The following TUSC3 variants were observed in gnomAD, a reference collection of about 807,000 sequenced individuals.
TUSC3 encodes tumor suppressor candidate 3, also known as dolichyl-diphosphooligosaccharide--protein glycosyltransferase subunit TUSC3.
Under a neutral mutation model 44.8 loss-of-function variants are expected in TUSC3, and 45 were observed. That is an observed-to-expected ratio of 1.00 (90% confidence interval 0.79 to 1.29). The LOEUF (loss-of-function observed/expected upper bound fraction) is 1.29. TUSC3 is among the 50% of genes most tolerant of loss of function. The pLI is 0.00. For missense variants in TUSC3, 519 were observed against 437.9 expected, an observed-to-expected ratio of 1.19 and a Z score of -1.65; for synonymous variants, 212 against 152.9, an observed-to-expected ratio of 1.39 and a Z score of -2.85.
At chr8:15,533,760 C>T (rs1435861697) in intron 2 of TUSC3, among the ~76,000 whole-genome samples, 1 of 152,130 alleles carries the variant, frequency 6.6e-6, no homozygotes, top group African/African-American at 2.4e-5. Flanking sequence ...CGAGAGAAGG[C>T]TCTGAATGTT....
At chr8:15,740,955 T>C (rs1563199823) in intron 7 of TUSC3, among the ~76,000 whole-genome samples, 1 of 152,204 alleles carries the variant, frequency 6.6e-6, no homozygotes, top group African/African-American at 2.4e-5. Flanking sequence ...ACCACATTGT[T>C]TGAATTTAAG....
intron 2 of TUSC3, among the ~76,000 whole-genome samples, chr8:15,534,196 T>C (rs1236880692): frequency 6.6e-6 from 1 of 152,088 alleles, no homozygotes; most frequent in Non-Finnish European, 1.5e-5. Flanking sequence ...TGAGATAAAA[T>C]GAAAAGATCT....
intron 2 of TUSC3, among the ~76,000 whole-genome samples, chr8:15,529,357 G>T (rs1196892338): frequency 6.6e-6 from 1 of 152,054 alleles, no homozygotes; most frequent in Non-Finnish European, 1.5e-5. Flanking sequence ...TAAATTATAT[G>T]AAAAAAGGGC....
intron 5 of TUSC3, among the ~76,000 whole-genome samples, chr8:15,666,893 A>G (rs1406662911): frequency 6.6e-6 from 1 of 151,518 alleles, no homozygotes; most frequent in Admixed American, 6.6e-5. Flanking sequence ...AAATAAAATG[A>G]ATTCGTATAT....
chr8:15,611,349 C>G (rs901168274), intron 1 of TUSC3, among the ~76,000 whole-genome samples: 5 of 152,038 alleles, frequency 3.3e-5, no homozygotes, highest in African/African-American at 9.7e-5. Flanking sequence ...ACACATCCAG[C>G]TAATTTTTGT....
chr8:15,678,050 C>T (rs1808264678), intron 6 of TUSC3, among the ~76,000 whole-genome samples: 1 of 152,184 alleles, frequency 6.6e-6, no homozygotes, highest in Non-Finnish European at 1.5e-5. Flanking sequence ...AGTCAAAAAA[C>T]ATGTTTATCC....
chr8:15,572,196 C>G (rs139981206), intron 1 of TUSC3, among the ~76,000 whole-genome samples: 1 of 152,196 alleles, frequency 6.6e-6, no homozygotes, highest in Non-Finnish European at 1.5e-5. Context: ...GTATACCCGT[C>G]TCCATCAATT....
At chr8:15,716,807 AATC>A (rs1810078122) in intron 6 of TUSC3, among the ~76,000 whole-genome samples, 1 of 152,130 alleles carries the variant, frequency 6.6e-6, no homozygotes, top group Admixed American at 6.6e-5. Context: ...TAGTTATTTA[AATC>A]ATCACTTTTT....
chr8:15,814,507 A>C, the TUSC3 span, among the ~76,000 whole-genome samples: 9 of 152,296 alleles, frequency 5.9e-5, 1 homozygote, highest in East Asian at 7.7e-4. Context: ...TGATTCAACA[A>C]TTAGTACATT....
chr8:15,815,984 AG>A, the TUSC3 span, among the ~76,000 whole-genome samples: 1 of 152,162 alleles, frequency 6.6e-6, no homozygotes, highest in Non-Finnish European at 1.5e-5. Flanking sequence ...TTTTTCTGGC[AG>A]GGTTGTCAGA....
At chr8:15,806,319 C>T in the TUSC3 span, 204 of 711,476 alleles carry the variant, frequency 2.9e-4, 1 homozygote, top group East Asian at 5.7e-3. Flanking sequence ...GTCAGGGACA[C>T]CTTCCCCCTG....
chr8:15,643,024 C>A (rs1369250706), intron 2 of TUSC3, among the ~76,000 whole-genome samples: 1 of 152,188 alleles, frequency 6.6e-6, no homozygotes, highest in Non-Finnish European at 1.5e-5. Context: ...CCCATAATCC[C>A]TATGTGTTTT....
At chr8:15,756,835 A>T (rs528841030) in intron 9 of TUSC3, among the ~76,000 whole-genome samples, 1 of 152,106 alleles carries the variant, frequency 6.6e-6, no homozygotes, top group Admixed American at 6.5e-5. Flanking sequence ...TTATTCCCCA[A>T]ACTCGAGCTC....
At chr8:15,806,961 A>T in the TUSC3 span, 1 of 1,466,636 alleles carries the variant, frequency 6.8e-7, no homozygotes, top group Non-Finnish European at 9.5e-7. Context: ...CGTGTTCATC[A>T]ATCTCCAGGA....
chr8:15,699,213 T>G (rs1002903821), intron 6 of TUSC3, among the ~76,000 whole-genome samples: 3 of 152,196 alleles, frequency 2.0e-5, no homozygotes, highest in African/African-American at 7.2e-5. Context: ...TAGCAATCAT[T>G]TAACTGTAAC....
chr8:15,602,662 T>TTA (rs776371400), intron 1 of TUSC3, among the ~76,000 whole-genome samples: 2 of 105,922 alleles, frequency 1.9e-5, no homozygotes, highest in Non-Finnish European at 2.0e-5. Flanking sequence ...ATTAAAATAT[T>TTA]TATATGTGTG....
intron 2 of TUSC3, among the ~76,000 whole-genome samples, chr8:15,639,606 C>T (rs1293273838): frequency 3.9e-5 from 6 of 152,134 alleles, no homozygotes. Context: ...TCTAAAGCTG[C>T]AACTATTATA....
At chr8:15,467,266 A>G (rs1478756709) in intron 1 of TUSC3, among the ~76,000 whole-genome samples, 3 of 145,082 alleles carry the variant, frequency 2.1e-5, no homozygotes, top group African/African-American at 7.8e-5. Context: ...TAAATAGGAA[A>G]GTTCTTTAGC....
At chr8:15,619,263 G>C (rs778244579) in intron 1 of TUSC3, among the ~76,000 whole-genome samples, 1 of 152,032 alleles carries the variant, frequency 6.6e-6, no homozygotes, top group Non-Finnish European at 1.5e-5. Context: ...TGTGTTTCCA[G>C]CTTTTAAATA....
Sources: gnomAD v4.1 joint callset for allele counts (sites outside exome capture counted in the v4.1 genomes callset) on GRCh38, gnomAD v4.1.1 for gene constraint, MANE v1.5 for transcripts, NCBI Gene and HGNC (gene_info 2026-07-23, HGNC 2026-07-21) for gene names.